Variants in SLC17A2 observed in about 807,000 individuals in gnomAD.
SLC17A2 encodes the protein solute carrier family 17 member 2.
Under a neutral mutation model 52.1 loss-of-function variants are expected in SLC17A2, and 38 were observed. The ratio of observed to expected loss-of-function variants is 0.73; its 90% CI spans 0.56 to 0.96. The LOEUF (loss-of-function observed/expected upper bound fraction) is 0.96, where lower values mean the gene tolerates loss of function less well. SLC17A2 is among the 40% of genes least tolerant of loss of function. SLC17A2 has a pLI of 0.00. For synonymous variants in SLC17A2, 226 were observed against 211.9 expected, an observed-to-expected ratio of 1.07 and a Z score of -0.58; for missense variants, 508 against 583.9, an observed-to-expected ratio of 0.87 and a Z score of 1.34.
intron 8 of SLC17A2, 94 bp downstream of exon 8, chr6:25,916,590 TG>T (rs1766325781): frequency 1.0e-6 from 1 of 1,001,962 alleles, no homozygotes; most frequent in Non-Finnish European, 1.5e-6. Flanking sequence ...GTTAAATTAA[TG>T]GTTATATGTA....
chr6:25,913,395 A>C lies in SLC17A2; in HGVS notation c.1359T>G (p.Phe453Leu). The change falls in exon 12 of 12, where the codon TTT (phenylalanine) becomes TTG (leucine). Residue 453 changes from phenylalanine (F) to leucine (L), a missense_variant. Physicochemically the swap from Phe to Leu is conservative, Grantham distance 22 (BLOSUM62 0). Coordinates refer to ENST00000377850, the MANE Select transcript of SLC17A2 (RefSeq NM_001286123.3). ...CAAACGTGAGGTAAAAGACCAGGCC[A>C]AACATGTTGACTGCAGCAGACAGGA... ...VFFLSAAVNMFGLVFYLTFGQ... is the reference protein window; with the variant it reads ...VFFLSAAVNMLGLVFYLTFGQ... 1 of 1,614,122 alleles carries C rather than the reference A, an allele frequency of 6.2e-7. No homozygotes were observed. Among genetic ancestry groups the C allele is most frequent in the Non-Finnish European group, 8.5e-7 (1 of 1,179,972 alleles).
At chr6:25,917,771 G>C (rs1009837808) in intron 6 of SLC17A2, among the ~76,000 whole-genome samples, 1 of 152,194 alleles carries the variant, frequency 6.6e-6, no homozygotes, top group African/African-American at 2.4e-5. Context: ...AAAAGATTCT[G>C]AGGACTAGTT....
chr6:25,918,521 C>A lies in SLC17A2; in HGVS notation c.615G>T (p.Gln205His), dbSNP rs758237600. The A allele has an allele frequency of 3.1e-6, 5 of 1,613,794 alleles. No individual in the cohort carries two copies. The change falls in exon 6 of 12, where the codon CAG (glutamine) becomes CAT (histidine). Residue 205 changes from glutamine (Q) to histidine (H), a missense_variant. Transcript: ENST00000377850. ...IILCVGGLISQALSWPFIFYI... is the reference protein window; with the variant it reads ...IILCVGGLISHALSWPFIFYI... ...AGAAGATAAAAGGCCAGCTCAAGGC[C>A]TGTGAGATTAGTCCCCCCACACAGA...
intron 3 of SLC17A2, 115 bp downstream of exon 3, chr6:25,923,580 C>A: frequency 3.9e-6 from 3 of 766,510 alleles, no homozygotes; most frequent in Non-Finnish European, 6.6e-6. Context: ...TAGTTCCAGT[C>A]AGTTTTAATT....
intron 1 of SLC17A2, among the ~76,000 whole-genome samples, chr6:25,929,297 G>A (rs1306782153): frequency 6.6e-6 from 1 of 152,212 alleles, no homozygotes; most frequent in Non-Finnish European, 1.5e-5. Flanking sequence ...TTGGGATAAT[G>A]TTACTTCACT....
At chr6:25,916,294 G>A (rs748291461) in intron 8 of SLC17A2, among the ~76,000 whole-genome samples, 6 of 152,088 alleles carry the variant, frequency 3.9e-5, no homozygotes, top group Non-Finnish European at 8.8e-5. Context: ...TATTGGTCAG[G>A]CTGGTCTTGC....
In SLC17A2 at chr6:25,916,987, C is replaced by T. The variant is rs1184991227; in HGVS notation, c.750G>A (p.Leu250=). The change falls in exon 7 of 12, where the codon CTG becomes CTA. Residue 250 remains leucine (L), a synonymous_variant. Transcript: ENST00000377850. ...ACTGTACCTGTTGAGCCAGTGAGGA[C>T]AGGATGTGCTCCTTTTCCCTAACAC... ...CISVREKEHI[L]SSLAQQPSSP... The T allele has an allele frequency of 6.2e-7, 1 of 1,613,986 alleles. No individual in the cohort carries two copies. The highest frequency in any genetic ancestry group is 8.5e-7 in the Non-Finnish European group (1 of 1,179,866).
chr6:25,925,183 A>C (rs1361068611), intron 2 of SLC17A2, among the ~76,000 whole-genome samples: 1 of 152,162 alleles, frequency 6.6e-6, no homozygotes, highest in Non-Finnish European at 1.5e-5. Flanking sequence ...CTTGGTGAGA[A>C]TATTATAGTA....
intron 6 of SLC17A2, among the ~76,000 whole-genome samples, chr6:25,917,341 T>C (rs1766365817): frequency 6.6e-6 from 1 of 152,234 alleles, no homozygotes; most frequent in African/African-American, 2.4e-5. Flanking sequence ...GAGCGTGGCA[T>C]TGCATAGCTG....
chr6:25,930,629 A>G lies in SLC17A2; in HGVS notation c.-436T>C, dbSNP rs1169606007. On this transcript the variant is annotated 5_prime_UTR_variant, in exon 1 of 12. Coordinates refer to ENST00000377850, the MANE Select transcript of SLC17A2 (RefSeq NM_001286123.3). The stretch of plus-strand genomic sequence containing the variant: ...TTCTGTCCCTTCTTCCCTTTCAAAT[A>G]CTTTTGCAGATTTTTACAGGGATAA... 3 of 152,164 alleles carry G rather than the reference A, an allele frequency of 2.0e-5. No individual in the cohort carries two copies. The highest frequency in any genetic ancestry group is 1.3e-4 in the Admixed American group (2 of 15,280). The allele number at this position is 152,164 out of a possible 1,614,324, so 9.4% of individuals were successfully genotyped here.
chr6:25,926,132 G>A (rs772302711), intron 1 of SLC17A2, among the ~76,000 whole-genome samples: 1 of 152,002 alleles, frequency 6.6e-6, no homozygotes, highest in Non-Finnish European at 1.5e-5. Flanking sequence ...TAAAGATAAG[G>A]CTCCTTTCTT....
chr6:25,914,531 A>T, intron 11 of SLC17A2, 49 bp downstream of exon 11: 1 of 1,181,490 alleles, frequency 8.5e-7, no homozygotes, highest in Non-Finnish European at 1.3e-6. Context: ...TATCTCCAAC[A>T]CCTAAAACAA....
In SLC17A2 at chr6:25,915,738, A is replaced by C. The variant is rs765444035; in HGVS notation, c.1061T>G (p.Leu354Arg). 2 of 1,614,044 alleles carry C rather than the reference A, an allele frequency of 1.2e-6. No homozygotes were observed. The highest frequency in any genetic ancestry group is 1.7e-6 in the Non-Finnish European group (2 of 1,179,994). ...TGGGCCCACACGCTTATCCTTACCA[A>C]GAGATGAAAAGAGCTTTCGCACAGT... is the stretch of plus-strand genomic sequence containing the variant. ...LITVRKLFSS[L>R]GLLLPSICAV... The change falls in exon 9 of 12, where the codon CTT (leucine) becomes CGT (arginine). Residue 354 changes from leucine to arginine, a missense_variant and splice_region_variant. Physicochemically the swap from Leu to Arg is moderately radical, Grantham distance 102. Coordinates refer to ENST00000377850, the MANE Select transcript of SLC17A2 (RefSeq NM_001286123.3).
chr6:25,927,091 A>G (rs1165688995), intron 1 of SLC17A2, among the ~76,000 whole-genome samples: 1 of 152,180 alleles, frequency 6.6e-6, no homozygotes, highest in Non-Finnish European at 1.5e-5. Flanking sequence ...AAAAACACAT[A>G]TATCAAACCT....
Position 25,921,334 on chromosome 6 carries a change from T to C in SLC17A2, c.319A>G (p.Ile107Val). Reference sequence around the variant, plus strand: ...ATCCCTGCTAAATATCCACTTGGGATCAGAGTCAGTATTATCCCATAGTTG... The same window carrying C: ...ATCCCTGCTAAATATCCACTTGGGACCAGAGTCAGTATTATCCCATAGTTG... The part of the protein sequence containing the change: ...SINYGIILTL[I>V]PSGYLAGIFG... Residue 107 changes from isoleucine to valine, a missense_variant, in exon 4 of 12, where the codon ATC (isoleucine) becomes GTC (valine). Transcript: ENST00000377850. 6.2e-7 allele frequency: 1 copy of C among 1,614,148 alleles called. No individual in the cohort carries two copies. The highest frequency in any genetic ancestry group is 8.5e-7 in the Non-Finnish European group (1 of 1,180,008).
At chr6:25,917,763 A>C (rs1477758269) in intron 6 of SLC17A2, among the ~76,000 whole-genome samples, 1 of 152,258 alleles carries the variant, frequency 6.6e-6, no homozygotes, top group Non-Finnish European at 1.5e-5. Context: ...TCTATGTTAA[A>C]AGATTCTGAG....
At chr6:25,921,502 T>C in intron 3 of SLC17A2, 90 bp from the exon 4 acceptor site, 1 of 781,052 alleles carries the variant, frequency 1.3e-6, no homozygotes, top group Non-Finnish European at 2.0e-6. Flanking sequence ...AGTGAGACCC[T>C]AGTATAAAAT....
intron 2 of SLC17A2, among the ~76,000 whole-genome samples, chr6:25,925,171 C>A (rs764121894): frequency 6.6e-6 from 1 of 152,040 alleles, no homozygotes; most frequent in African/African-American, 2.4e-5. Context: ...AAGAGCCAGC[C>A]GCTTGGTGAG....
At chr6:25,926,171 T>C (rs937346517) in intron 1 of SLC17A2, among the ~76,000 whole-genome samples, 1 of 152,090 alleles carries the variant, frequency 6.6e-6, no homozygotes, top group African/African-American at 2.4e-5. Flanking sequence ...AAATGAAAAA[T>C]TGCATGTACT....
Sources: allele counts gnomAD v4.1 joint callset (sites outside exome capture counted in the v4.1 genomes callset), GRCh38; gene constraint gnomAD v4.1.1; transcripts MANE v1.5; gene names NCBI Gene and HGNC (gene_info 2026-07-23, HGNC 2026-07-21).